The following CGNL1 variants were observed in gnomAD, a reference collection of about 807,000 sequenced individuals.
The protein encoded by CGNL1 is cingulin like 1, also known as cingulin-like protein 1.
CGNL1 carries 132 observed loss-of-function variants against 141.2 expected under a neutral mutation model. The observed-to-expected ratio is 0.93, with a 90% CI of 0.81 to 1.08. The LOEUF is 1.08. Ranked by LOEUF, CGNL1 falls within the 50% of genes least tolerant of loss-of-function variation. The probability of loss-of-function intolerance (pLI) is 0.00; values close to 1 mark genes in which losing one functional copy is unlikely to be tolerated. For synonymous variants in CGNL1, 690 were observed against 622.1 expected (o/e 1.11, Z -1.63); for missense variants, 1,870 against 1,588.6 (o/e 1.18, Z -3.01).
intron 8 of CGNL1, among the ~76,000 whole-genome samples, chr15:57,480,660 G>A (rs937856561): frequency 1.3e-5 from 2 of 152,200 alleles, no homozygotes; most frequent in African/African-American, 4.8e-5. Flanking sequence ...AGTTTGAAGA[G>A]ATCATTGGAA....
chr15:57,470,148 C>G (rs2063560959), intron 8 of CGNL1, among the ~76,000 whole-genome samples: 1 of 151,870 alleles, frequency 6.6e-6, no homozygotes, highest in African/African-American at 2.4e-5. Flanking sequence ...AGGAAAATAT[C>G]TCTTTTCCAC....
At chr15:57,527,937 A>G (rs1477658687) in intron 12 of CGNL1, among the ~76,000 whole-genome samples, 1 of 152,210 alleles carries the variant, frequency 6.6e-6, no homozygotes, top group Non-Finnish European at 1.5e-5. Flanking sequence ...GGCTCTCGAG[A>G]GGTTTTAACA....
chr15:57,389,270 C>T (rs2062516884), intron 1 of CGNL1, among the ~76,000 whole-genome samples: 1 of 151,778 alleles, frequency 6.6e-6, no homozygotes, highest in South Asian at 2.1e-4. Context: ...CCAGCCTGGG[C>T]AAAAAGAACA....
At chr15:57,398,654 T>C (rs965147245) in intron 1 of CGNL1, among the ~76,000 whole-genome samples, 1 of 152,204 alleles carries the variant, frequency 6.6e-6, no homozygotes, top group Non-Finnish European at 1.5e-5. Context: ...TAACTGAGCA[T>C]GTTGGAAAAC....
At chr15:57,529,085 A>G (rs1179105610) in intron 13 of CGNL1, 1 of 318,836 alleles carries the variant, frequency 3.1e-6, no homozygotes, top group Non-Finnish European at 5.8e-6. Context: ...TCTCAGGGAC[A>G]TTAGGTGATT....
At chr15:57,493,226 TTAAG>T (rs1162721711) in intron 8 of CGNL1, among the ~76,000 whole-genome samples, 4 of 152,186 alleles carry the variant, frequency 2.6e-5, no homozygotes, top group African/African-American at 4.8e-5. Context: ...ATATTAAAAT[TTAAG>T]TAAGAGCTGA....
At chr15:57,434,966 A>C (rs1442300699) in intron 1 of CGNL1, among the ~76,000 whole-genome samples, 2 of 152,116 alleles carry the variant, frequency 1.3e-5, no homozygotes, top group African/African-American at 4.8e-5. Flanking sequence ...AAAGGAAGAG[A>C]GCAATGAGAC....
intron 8 of CGNL1, among the ~76,000 whole-genome samples, chr15:57,476,965 G>C (rs1511950): frequency 0.55 from 83,656 of 151,980 alleles, 23,656 homozygotes; most frequent in Non-Finnish European, 0.62. Context: ...ATGAAGGAGA[G>C]AATATGGCCA....
In CGNL1 at chr15:57,439,289, G is replaced by A. The variant is rs773078337; in HGVS notation, c.1290G>A (p.Leu430=). 5.0e-6 allele frequency: 8 copies of A among 1,613,988 alleles called. No homozygotes were observed. In the East Asian group the frequency reaches 1.6e-4, roughly 31 times the overall value. ...RPSQVCPQRP[L]SQERRGKQSV... ...CCCAGGTGTGCCCGCAGCGGCCACT[G>A]TCTCAGGAGCGCCGTGGGAAACAGA... is the stretch of plus-strand genomic sequence containing the variant. Residue 430 remains leucine, a synonymous_variant, in exon 2 of 19, where the codon CTG becomes CTA. Transcript: ENST00000281282.
At chr15:57,481,206 T>C (rs2063722257) in intron 8 of CGNL1, among the ~76,000 whole-genome samples, 1 of 152,038 alleles carries the variant, frequency 6.6e-6, no homozygotes, top group Non-Finnish European at 1.5e-5. Context: ...TTATCCTGTT[T>C]CCCCCAAATG....
rs11332989 is a variant in CGNL1 at position 57,465,383 on chromosome 15, CTTTTTTTTTTTTT to C, written c.2403+3504_2403+3516del. On this transcript the variant is annotated intron_variant, in intron 8 of 18. Coordinates refer to ENST00000281282, the MANE Select transcript of CGNL1 (RefSeq NM_032866.5). ...ACCAACCACTATGGCTAAAAACTGACTTTTTTTTTTTTTTTTTTTTTTTTTAAGATGGAGTCTC... is the reference window on the plus strand; with the variant it reads ...ACCAACCACTATGGCTAAAAACTGACTTTTTTTTTTTTAAGATGGAGTCTC... Among the ~76,000 whole-genome samples the C allele has an allele frequency of 2.3e-3, 187 of 80,856 alleles. 2 individuals carry two copies. Among genetic ancestry groups the C allele is most frequent in the Non-Finnish European group, 3.7e-3 (162 of 44,352 alleles). The allele number at this position is 80,856 out of a possible 152,430, so 53.0% of individuals were successfully genotyped here.
chr15:57,503,501 T>C (rs2064056505), intron 8 of CGNL1, among the ~76,000 whole-genome samples: 2 of 152,168 alleles, frequency 1.3e-5, no homozygotes, highest in South Asian at 4.1e-4. Context: ...AGTTGAGGAC[T>C]GGGCCCCCTT....
chr15:57,450,338 A>G (rs1341706007), intron 4 of CGNL1, among the ~76,000 whole-genome samples: 7 of 152,208 alleles, frequency 4.6e-5, no homozygotes, highest in Non-Finnish European at 8.8e-5. Flanking sequence ...GTGCAGTAGC[A>G]TGATCTTGGC....
chr15:57,385,324 A>G (rs1187324574), intron 1 of CGNL1, among the ~76,000 whole-genome samples: 4 of 152,222 alleles, frequency 2.6e-5, no homozygotes, highest in African/African-American at 9.6e-5. Flanking sequence ...AGTTGGGATC[A>G]GGAGTTCAAG....
intron 7 of CGNL1, among the ~76,000 whole-genome samples, chr15:57,454,646 G>A (rs1408846118): frequency 6.6e-6 from 1 of 152,102 alleles, no homozygotes; most frequent in Non-Finnish European, 1.5e-5. Context: ...GGCAGAGGAG[G>A]GTGATTGCCT....
At position 57,480,545 on chromosome 15, in the gene CGNL1, A is replaced by G. The variant is rs373361130; in HGVS notation, c.2403+18653A>G. Among the ~76,000 whole-genome samples the G allele has an allele frequency of 6.6e-5, 10 of 152,156 alleles. No homozygotes were observed. The South Asian group carries it at 1.9e-3, about 28-fold the overall frequency. On this transcript the variant is annotated intron_variant, in intron 8 of 18. Transcript: ENST00000281282. Reference sequence around the variant, plus strand: ...AAAAAAAGAAAAAAAGAAAGAAAATATGCATTGAATGTAATACTTTAAAAA... The same window carrying G: ...AAAAAAAGAAAAAAAGAAAGAAAATGTGCATTGAATGTAATACTTTAAAAA...
intron 8 of CGNL1, among the ~76,000 whole-genome samples, chr15:57,479,636 C>A (rs2063700833): frequency 6.6e-6 from 1 of 152,064 alleles, no homozygotes; most frequent in Non-Finnish European, 1.5e-5. Context: ...TGCACTTCAG[C>A]CTGGGTGATG....
chr15:57,414,707 C>T (rs2062829431), intron 1 of CGNL1, among the ~76,000 whole-genome samples: 1 of 151,812 alleles, frequency 6.6e-6, no homozygotes, highest in African/African-American at 2.4e-5. Context: ...CCACCAAAAC[C>T]AAGATTTGCT....
chr15:57,456,995 A>C (rs1280415), intron 7 of CGNL1, among the ~76,000 whole-genome samples: 3 of 152,128 alleles, frequency 2.0e-5, no homozygotes, highest in African/African-American at 7.2e-5. Flanking sequence ...ACATTCTACA[A>C]ATTTTTATAA....
Sources: gnomAD v4.1 joint callset for allele counts (sites outside exome capture counted in the v4.1 genomes callset) on GRCh38, gnomAD v4.1.1 for gene constraint, MANE v1.5 for transcripts, NCBI Gene and HGNC (gene_info 2026-07-23, HGNC 2026-07-21) for gene names.